SLX4IP: variants seen among roughly 807,000 people sequenced by gnomAD.
SLX4IP encodes protein SLX4IP.
Under a neutral mutation model 32.9 loss-of-function variants are expected in SLX4IP, and 34 were observed. The ratio of observed to expected loss-of-function variants is 1.03; its 90% CI spans 0.79 to 1.38. The LOEUF is 1.38. SLX4IP is among the 40% of genes most tolerant of loss of function. The pLI, the probability that SLX4IP is intolerant of heterozygous loss-of-function variation, is 0.00. For missense variants in SLX4IP, 444 were observed against 479.0 expected (o/e 0.93, Z 0.68); for synonymous variants, 172 against 171.7 (o/e 1.00, Z -0.01).
rs535530045 is a variant in SLX4IP, at chr20:10,570,685, C to T, written c.238+9865C>T. Among the ~76,000 whole-genome samples, 6 of 151,768 alleles carry T rather than the reference C, an allele frequency of 4.0e-5. No individual in the cohort carries two copies. In the East Asian group the frequency reaches 9.8e-4, roughly 25 times the overall value. ...CTGGGATTACAGGCGCCTGCCACCA[C>T]GCTGAGCTAATTTTTGTATTTTTAG... On this transcript the variant is annotated intron_variant, in intron 4 of 7. Transcript: ENST00000334534.
At chr20:10,585,572 T>A (rs952518469) in intron 4 of SLX4IP, among the ~76,000 whole-genome samples, 1 of 151,500 alleles carries the variant, frequency 6.6e-6, no homozygotes, top group African/African-American at 2.4e-5. Flanking sequence ...CCTTTCCTTT[T>A]TTTTCTTTCT....
intron 2 of SLX4IP, among the ~76,000 whole-genome samples, chr20:10,460,047 T>G (rs1289835930): frequency 6.6e-6 from 1 of 152,230 alleles, no homozygotes; most frequent in Non-Finnish European, 1.5e-5. Flanking sequence ...TAAATTTCAT[T>G]GCTTTCAGTT....
intron 5 of SLX4IP, among the ~76,000 whole-genome samples, chr20:10,601,061 A>C (rs2066836096): frequency 6.6e-6 from 1 of 152,208 alleles, no homozygotes; most frequent in South Asian, 2.1e-4. Flanking sequence ...AGTCCAGTTC[A>C]GTGATTTATT....
At chr20:10,473,664 G>A (rs1265780383) in intron 2 of SLX4IP, among the ~76,000 whole-genome samples, 2 of 150,864 alleles carry the variant, frequency 1.3e-5, no homozygotes, top group Non-Finnish European at 1.5e-5. Context: ...ATGCAGTGGT[G>A]TAATCACGGC....
chr20:10,513,616 G>A (rs530733867), intron 2 of SLX4IP, among the ~76,000 whole-genome samples: 30 of 152,324 alleles, frequency 2.0e-4, no homozygotes, highest in African/African-American at 7.2e-4. Flanking sequence ...GTGGGCAAGG[G>A]CATCCTTGGA....
intron 6 of SLX4IP, among the ~76,000 whole-genome samples, chr20:10,610,459 G>A (rs892651180): frequency 6.6e-6 from 1 of 152,220 alleles, no homozygotes; most frequent in Non-Finnish European, 1.5e-5. Context: ...CTCAGAGGAC[G>A]GACTCTGGGC....
At chr20:10,572,840 A>T (rs1206582634) in intron 4 of SLX4IP, among the ~76,000 whole-genome samples, 1 of 152,150 alleles carries the variant, frequency 6.6e-6, no homozygotes, top group Non-Finnish European at 1.5e-5. Context: ...TGAACATTCA[A>T]GGACGAATTA....
intron 2 of SLX4IP, among the ~76,000 whole-genome samples, chr20:10,540,298 C>T (rs780101789): frequency 1.3e-5 from 2 of 151,896 alleles, no homozygotes; most frequent in Admixed American, 6.6e-5. Flanking sequence ...GAATCTGATG[C>T]TCGCCCAAGT....
chr20:10,601,780 A>G lies in SLX4IP; in HGVS notation c.366A>G (p.Ala122=), dbSNP rs987336626. The stretch of plus-strand genomic sequence containing the variant: ...TTGTGGTTTGTGTCAGTCAGCTTGC[A>G]TTCAGTCGTGATCTTTTAGCAAGTC... ...DRFVVCVSQL[A]FSRDLLASQN... is the part of the protein sequence containing the mutation. Residue 122 remains alanine, a synonymous_variant, in exon 6 of 8, where the codon GCA becomes GCG. Transcript: ENST00000334534. 55 of 1,614,048 alleles carry G rather than the reference A, an allele frequency of 3.4e-5. No individual in the cohort carries two copies. In the East Asian group the frequency reaches 1.2e-3, roughly 35 times the overall value.
chr20:10,470,811 A>G (rs567096130), intron 2 of SLX4IP, among the ~76,000 whole-genome samples: 2 of 152,298 alleles, frequency 1.3e-5, no homozygotes, highest in African/African-American at 2.4e-5. Context: ...CTCTAAATCT[A>G]TTCATTTTAC....
intron 1 of SLX4IP, among the ~76,000 whole-genome samples, chr20:10,440,475 AAAAT>A (rs1198474275): frequency 3.3e-5 from 5 of 152,042 alleles, no homozygotes; most frequent in East Asian, 1.9e-4. Flanking sequence ...TAGAAACTAA[AAAAT>A]AAATAAATAA....
chr20:10,622,815 A>T lies in SLX4IP; in HGVS notation c.663A>T (p.Gln221His). ...SSSPPSESMG[Q>H]AKDSIKAAES... ...GTCCCCCATCAGAATCCATGGGACA[A>T]GCAAAGGATTCCATAAAGGCAGCTG... The change falls in exon 8 of 8, where the codon CAA (glutamine) becomes CAT (histidine). Residue 221 changes from glutamine (Q) to histidine (H), a missense_variant. Physicochemically the swap from Gln to His is conservative, Grantham distance 24. Coordinates refer to ENST00000334534, the MANE Select transcript of SLX4IP (RefSeq NM_001009608.3). 6.2e-7 allele frequency: 1 copy of T among 1,614,160 alleles called. No homozygotes were observed. The highest frequency in any genetic ancestry group is 1.1e-5 in the South Asian group (1 of 91,082).
intron 2 of SLX4IP, among the ~76,000 whole-genome samples, chr20:10,553,093 T>C (rs1255103119): frequency 6.6e-6 from 1 of 152,222 alleles, no homozygotes; most frequent in African/African-American, 2.4e-5. Context: ...AAGTTACGTC[T>C]TTATTGTGAT....
chr20:10,585,848 C>G (rs1023987976), intron 4 of SLX4IP, among the ~76,000 whole-genome samples: 1 of 152,136 alleles, frequency 6.6e-6, no homozygotes, highest in Non-Finnish European at 1.5e-5. Flanking sequence ...GCCTCGGCCT[C>G]CCAAAATGCT....
chr20:10,488,392 A>G (rs2065592427), intron 2 of SLX4IP, among the ~76,000 whole-genome samples: 1 of 152,132 alleles, frequency 6.6e-6, no homozygotes, highest in Non-Finnish European at 1.5e-5. Flanking sequence ...GAGGCATGGA[A>G]CAAATTTTCC....
intron 6 of SLX4IP, among the ~76,000 whole-genome samples, chr20:10,609,338 A>G (rs893859735): frequency 6.6e-6 from 1 of 152,220 alleles, no homozygotes; most frequent in African/African-American, 2.4e-5. Flanking sequence ...TTTCCCAAGG[A>G]TACAGTGTCA....
At chr20:10,465,328 A>G (rs914364568) in intron 2 of SLX4IP, among the ~76,000 whole-genome samples, 1 of 152,048 alleles carries the variant, frequency 6.6e-6, no homozygotes, top group Non-Finnish European at 1.5e-5. Flanking sequence ...ATAATGTTTT[A>G]CCGGAATCCA....
chr20:10,619,661 T>C (rs1046168801), intron 6 of SLX4IP, among the ~76,000 whole-genome samples: 4 of 152,214 alleles, frequency 2.6e-5, no homozygotes, highest in Admixed American at 1.3e-4. Flanking sequence ...GCCTGACTCA[T>C]GCTCCTTATG....
At chr20:10,516,177 C>G (rs1036146592) in intron 2 of SLX4IP, among the ~76,000 whole-genome samples, 1 of 152,200 alleles carries the variant, frequency 6.6e-6, no homozygotes, top group Non-Finnish European at 1.5e-5. Flanking sequence ...TGTGAGCCTC[C>G]ATGCCTGGCC....
Sources: allele counts gnomAD v4.1 joint callset (sites outside exome capture counted in the v4.1 genomes callset), GRCh38; gene constraint gnomAD v4.1.1; transcripts MANE v1.5; gene names NCBI Gene and HGNC (gene_info 2026-07-23, HGNC 2026-07-21).